SORCS1: variants seen among roughly 807,000 people sequenced by gnomAD.
SORCS1 encodes VPS10 domain-containing receptor SorCS1.
A neutral mutation model predicts 146.1 loss-of-function variants in SORCS1; 60 were observed. The observed-to-expected ratio is 0.41, with a 90% CI of 0.33 to 0.51. The LOEUF is 0.51. SORCS1 is among the 20% of genes least tolerant of loss of function. The pLI is 0.21. For synonymous variants in SORCS1, 637 were observed against 584.0 expected (o/e 1.09, Z -1.31); for missense variants, 1,352 against 1,487.6 (o/e 0.91, Z 1.50).
chr10:106,626,178 G>A (rs1223692187), intron 19 of SORCS1, among the ~76,000 whole-genome samples: 1 of 152,166 alleles, frequency 6.6e-6, no homozygotes, highest in Non-Finnish European at 1.5e-5. Context: ...CAGGCAATGG[G>A]CTTTCAAGAT....
intron 18 of SORCS1, among the ~76,000 whole-genome samples, chr10:106,644,518 C>T (rs569328868): frequency 7.3e-4 from 111 of 152,058 alleles, no homozygotes; most frequent in Non-Finnish European, 1.4e-3. Flanking sequence ...AGGTGCCCAC[C>T]ACCACGCCCA....
the SORCS1 span, among the ~76,000 whole-genome samples, chr10:107,177,681 A>G: frequency 6.6e-6 from 1 of 152,352 alleles, no homozygotes; most frequent in Non-Finnish European, 1.5e-5. Context: ...ATATGTAATG[A>G]TCAAATCAGC....
At chr10:106,927,864 C>G (rs1589724966) in intron 2 of SORCS1, among the ~76,000 whole-genome samples, 1 of 151,748 alleles carries the variant, frequency 6.6e-6, no homozygotes, top group Non-Finnish European at 1.5e-5. Context: ...GTCTCAATCC[C>G]TGAGCTAGAC....
intron 22 of SORCS1, among the ~76,000 whole-genome samples, chr10:106,610,347 A>G (rs971621554): frequency 2.6e-5 from 4 of 152,142 alleles, no homozygotes; most frequent in African/African-American, 9.7e-5. Flanking sequence ...GAGTAACCTA[A>G]TATCTCTGAG....
chr10:106,768,124 G>A, intron 4 of SORCS1, among the ~76,000 whole-genome samples: 1 of 152,198 alleles, frequency 6.6e-6, no homozygotes, highest in East Asian at 1.9e-4. Context: ...ATTTCAGCTT[G>A]AGAATTCGTT....
chr10:106,636,728 G>T (rs776215531), intron 18 of SORCS1, among the ~76,000 whole-genome samples: 40 of 152,088 alleles, frequency 2.6e-4, no homozygotes, highest in Non-Finnish European at 4.9e-4. Flanking sequence ...ATTTGGGTGG[G>T]GACACAGAGC....
chr10:106,893,423 GCT>G (rs1304338307), intron 2 of SORCS1, among the ~76,000 whole-genome samples: 3 of 152,012 alleles, frequency 2.0e-5, no homozygotes, highest in Non-Finnish European at 2.9e-5. Flanking sequence ...TAGCCTATAA[GCT>G]CTCTGAGGGC....
At chr10:106,740,707 C>A (rs949553925) in intron 5 of SORCS1, among the ~76,000 whole-genome samples, 1 of 152,324 alleles carries the variant, frequency 6.6e-6, no homozygotes, top group East Asian at 1.9e-4. Flanking sequence ...TATAGGGCCA[C>A]AAGGCTGTGC....
intron 2 of SORCS1, among the ~76,000 whole-genome samples, chr10:106,872,488 A>G (rs967598131): frequency 1.3e-5 from 2 of 152,224 alleles, no homozygotes; most frequent in Non-Finnish European, 2.9e-5. Flanking sequence ...GTTCTGAGAA[A>G]GGGGAGAACA....
At chr10:107,024,225 T>A (rs1215209897) in intron 1 of SORCS1, among the ~76,000 whole-genome samples, 1 of 150,728 alleles carries the variant, frequency 6.6e-6, no homozygotes, top group Admixed American at 6.6e-5. Flanking sequence ...CCCCTGGTTC[T>A]GAAGGGTGTG....
intron 23 of SORCS1, among the ~76,000 whole-genome samples, chr10:106,603,951 T>C (rs1196344348): frequency 6.6e-6 from 1 of 152,106 alleles, no homozygotes; most frequent in Non-Finnish European, 1.5e-5. Context: ...CTGCAGGGAC[T>C]AGCTAAGAGA....
At chr10:106,618,111 A>G (rs1564783851) in intron 21 of SORCS1, 38 bp downstream of exon 21, 3 of 1,612,558 alleles carry the variant, frequency 1.9e-6, no homozygotes, top group Non-Finnish European at 2.5e-6. Flanking sequence ...TCCTCTGAGC[A>G]TGAAGACAGC....
In SORCS1 at chr10:106,664,197, G is replaced by T. The variant is rs117481337; in HGVS notation, c.2303+3492C>A. ...GACTACTAAACATAACAACTGCATT[G>T]ACCAACATTTATATACCTGGATGCT... On this transcript the variant is annotated intron_variant, in intron 17 of 25. Transcript: ENST00000263054. Among the ~76,000 whole-genome samples, 485 of 152,260 alleles carry T rather than the reference G, an allele frequency of 3.2e-3. 1 individual carries two copies. Among genetic ancestry groups the T allele is most frequent in the Middle Eastern group, 6.8e-3 (2 of 294 alleles).
In SORCS1 at chr10:107,100,210, C is replaced by T. The variant is rs538671346; in HGVS notation, c.558+63759G>A. Among the ~76,000 whole-genome samples the T allele has an allele frequency of 8.6e-5, 13 of 152,010 alleles. No homozygotes were observed. In the East Asian group the frequency reaches 1.7e-3, roughly 20 times the overall value. ...AAACATGAGAGCACATTTTGTAAAT[C>T]GTAATAAGAAATAAGTAAATAGGCC... On this transcript the variant is annotated intron_variant, in intron 1 of 25. Transcript: ENST00000263054.
chr10:106,751,089 A>AAAAAAAAAAAAAAAAAAAG (rs1858187748), intron 5 of SORCS1, among the ~76,000 whole-genome samples: 1 of 141,776 alleles, frequency 7.1e-6, no homozygotes, highest in African/African-American at 2.7e-5. Context: ...AAAAAAAAAA[A>AAAAAAAAAAAAAAAAAAAG]AAAAATGCGG....
At chr10:106,667,012 T>G (rs1473125740) in intron 17 of SORCS1, 1 of 152,230 alleles carries the variant, frequency 6.6e-6, no homozygotes, top group Non-Finnish European at 1.5e-5. Flanking sequence ...TTTGTTTGAA[T>G]CAGAATTTAA....
At chr10:106,794,337 G>A (rs1164257671) in intron 3 of SORCS1, among the ~76,000 whole-genome samples, 1 of 151,866 alleles carries the variant, frequency 6.6e-6, no homozygotes, top group African/African-American at 2.4e-5. Context: ...TGATGTAAGG[G>A]GAAAAAAGCA....
chr10:106,750,728 CAAAAAAAAAAAAAAAAAAAAAAAA>C (rs572295853), intron 5 of SORCS1, among the ~76,000 whole-genome samples: 2 of 24,020 alleles, frequency 8.3e-5, no homozygotes, highest in Non-Finnish European at 1.5e-4. Flanking sequence ...GACTCCCTCT[CAAAAAAAAAAAAAAAAAAAAAAAA>C]AAAAAAAAAG....
chr10:106,650,081 C>T (rs1266897483), intron 18 of SORCS1, among the ~76,000 whole-genome samples: 2 of 152,084 alleles, frequency 1.3e-5, no homozygotes, highest in Non-Finnish European at 2.9e-5. Context: ...TTCTGTTTTT[C>T]CCCCCTCTTG....
Sources: gnomAD v4.1 joint callset for allele counts (sites outside exome capture counted in the v4.1 genomes callset) on GRCh38, gnomAD v4.1.1 for gene constraint, MANE v1.5 for transcripts, NCBI Gene and HGNC (gene_info 2026-07-23, HGNC 2026-07-21) for gene names.